The following ULK1 variants were observed in gnomAD, a reference collection of about 807,000 sequenced individuals.
ULK1 encodes the protein unc-51 like autophagy activating kinase 1.
A neutral mutation model predicts 117.5 loss-of-function variants in ULK1; 48 were observed. That is an observed-to-expected ratio of 0.41 (90% confidence interval 0.32 to 0.52). ULK1 has a LOEUF of 0.52. Ranked by LOEUF, ULK1 falls within the 20% of genes least tolerant of loss-of-function variation. ULK1 has a pLI of 0.29. For missense variants in ULK1, 1,387 were observed against 1,473.4 expected, an observed-to-expected ratio of 0.94 and a Z score of 0.96; for synonymous variants, 790 against 637.8, an observed-to-expected ratio of 1.24 and a Z score of -3.60.
chr12:131,894,999 G>C lies in ULK1; in HGVS notation c.-3G>C, dbSNP rs748019705. ...CGCCCCGCGCCCCCGGCCCGCCTGC[G>C]CCATGGAGCCCGGCCGCGGCGGCAC... is the stretch of plus-strand genomic sequence containing the variant. On this transcript the variant is annotated 5_prime_UTR_variant, in exon 1 of 28. Coordinates refer to ENST00000321867, the MANE Select transcript of ULK1 (RefSeq NM_003565.4). 1 of 1,410,186 alleles carries C rather than the reference G, an allele frequency of 7.1e-7. No homozygotes were observed. Among genetic ancestry groups the C allele is most frequent in the South Asian group, 1.3e-5 (1 of 74,932 alleles). 87.4% of individuals were successfully genotyped at this position (1,410,186 alleles called of 1,614,324 possible). A position where few individuals can be genotyped will look rare whatever the true frequency, so the allele number is the denominator to read the frequency against.
intron 1 of ULK1, 102 bp downstream of exon 1, chr12:131,895,214 C>A: frequency 1.1e-6 from 1 of 890,652 alleles, no homozygotes; most frequent in Non-Finnish European, 1.6e-6. Context: ...CCACGCCTCC[C>A]GAGAGCCCCA....
rs947770846 is a variant in ULK1, at chr12:131,922,219, G to A, written c.*858G>A. ...TTGTAGGTGTTTAAGAATTGGTTTTGGGAGGGCGAGGACTGGGCCAGGTTA... is the reference window on the plus strand; with the variant it reads ...TTGTAGGTGTTTAAGAATTGGTTTTAGGAGGGCGAGGACTGGGCCAGGTTA... On this transcript the variant is annotated 3_prime_UTR_variant, in exon 28 of 28. Transcript: ENST00000321867. The A allele has an allele frequency of 9.4e-5, 34 of 361,330 alleles. No individual in the cohort carries two copies. Among genetic ancestry groups the A allele is most frequent in the Non-Finnish European group, 1.8e-4 (33 of 181,150 alleles). The allele number at this position is 361,330 out of a possible 1,614,324, so 22.4% of individuals were successfully genotyped here.
At position 131,916,176 on chromosome 12, in the gene ULK1, T is replaced by C; in HGVS notation, c.1878+17T>C. 2.5e-6 allele frequency: 4 copies of C among 1,607,678 alleles called. No homozygotes were observed. The highest frequency in any genetic ancestry group is 3.4e-6 in the Non-Finnish European group (4 of 1,177,808). ...CCCACCAAGGTAATGGGCACTGCCA[T>C]GTGTGCAGGGGCACAGAGCCCTGGG... is the stretch of plus-strand genomic sequence containing the variant. On this transcript the variant is annotated intron_variant, in intron 19 of 27. Coordinates refer to ENST00000321867, the MANE Select transcript of ULK1 (RefSeq NM_003565.4).
intron 20 of ULK1, 74 bp downstream of exon 20, chr12:131,916,665 C>A (rs977685181): frequency 7.1e-7 from 1 of 1,413,332 alleles, no homozygotes; most frequent in African/African-American, 1.4e-5. Context: ...CTGCTGGGTA[C>A]TTCTGGGGGG....
chr12:131,910,174 G>A, intron 10 of ULK1, 80 bp from the exon 11 acceptor site: 1 of 1,596,262 alleles, frequency 6.3e-7, no homozygotes. Flanking sequence ...AACGCGGCTG[G>A]AGCTCAGGCC....
intron 3 of ULK1, among the ~76,000 whole-genome samples, chr12:131,900,853 C>T (rs1889057206): frequency 6.6e-6 from 1 of 152,092 alleles, no homozygotes; most frequent in South Asian, 2.1e-4. Context: ...ACTCCCCATC[C>T]CAGAGTGAGG....
chr12:131,902,858 G>A lies in ULK1; in HGVS notation c.247-4034G>A, dbSNP rs938387182. ...CCCTGGAGCCCAGGGAGGCAGTTGT[G>A]GCCCTTTCTGGTGTCTTAACTGGGT... On this transcript the variant is annotated intron_variant, in intron 3 of 27. Transcript: ENST00000321867. The surrounding 1 kb of genome is among the most constrained non-coding windows in gnomAD (Gnocchi z 6.3). 4.6e-5 allele frequency among the ~76,000 whole-genome samples: 7 copies of A among 152,114 alleles called. No homozygotes were observed. The highest frequency in any genetic ancestry group is 1.0e-4 in the Non-Finnish European group (7 of 68,004).
At chr12:131,895,958 G>A in intron 3 of ULK1, 134 bp downstream of exon 3, 4 of 1,158,728 alleles carry the variant, frequency 3.5e-6, no homozygotes, top group Non-Finnish European at 5.1e-6. Context: ...ACTCCACCCT[G>A]GGTCCAGGCC....
At chr12:131,897,947 G>T (rs985595941) in intron 3 of ULK1, 1 of 152,188 alleles carries the variant, frequency 6.6e-6, no homozygotes, top group African/African-American at 2.4e-5. Flanking sequence ...TCTGTTAGAG[G>T]TCACCATCTG....
intron 3 of ULK1, among the ~76,000 whole-genome samples, chr12:131,898,597 G>A (rs891027231): frequency 6.6e-6 from 1 of 152,048 alleles, no homozygotes; most frequent in African/African-American, 2.4e-5. Context: ...CGCCTCCTGG[G>A]TCCAAGCGAT....
chr12:131,916,677 A>G (rs943048301), intron 20 of ULK1, 86 bp downstream of exon 20: 61 of 1,398,618 alleles, frequency 4.4e-5, no homozygotes, highest in African/African-American at 3.9e-4. Context: ...TCTGGGGGGT[A>G]GAACAGGAAA....
Position 131,917,468 on chromosome 12 carries a change from G to A in ULK1, c.2240G>A (p.Ser747Asn). 1 of 1,527,666 alleles carries A rather than the reference G, an allele frequency of 6.5e-7. No homozygotes were observed. The highest frequency in any genetic ancestry group is 1.4e-5 in the African/African-American group (1 of 70,630). The allele number at this position is 1,527,666 out of a possible 1,614,324, so 94.6% of individuals were successfully genotyped here. A position where few individuals can be genotyped will look rare whatever the true frequency, so the allele number is the denominator to read the frequency against. ...CCAGGAGCCCGTGCTGGGGGCACCA[G>A]CAGCCCTTCCCCGGTGGTCTTCACC... is the stretch of plus-strand genomic sequence containing the variant. The part of the protein sequence containing the change: ...LHPGARAGGT[S>N]SPSPVVFTVG... The change falls in exon 22 of 28, where the codon AGC becomes AAC. Residue 747 changes from serine (S) to asparagine (N), a missense_variant. By Grantham distance (46) the Ser-to-Asn change is conservative. Transcript: ENST00000321867.
At chr12:131,916,662 G>A in intron 20 of ULK1, 71 bp downstream of exon 20, 2 of 1,426,048 alleles carry the variant, frequency 1.4e-6, no homozygotes, top group Non-Finnish European at 1.8e-6. Flanking sequence ...GTTCTGCTGG[G>A]TACTTCTGGG....
intron 7 of ULK1, 21 bp downstream of exon 7, chr12:131,908,992 C>T: frequency 6.2e-7 from 1 of 1,612,832 alleles, no homozygotes; most frequent in Non-Finnish European, 8.5e-7. Flanking sequence ...CTTGGCCGGG[C>T]TGTGCCGGGT....
In ULK1 at chr12:131,910,906, T is replaced by C; in HGVS notation, c.948+106T>C. On this transcript the variant is annotated intron_variant, in intron 12 of 27. Transcript: ENST00000321867. ...CGTGCTGTGACTTCTGTTGTCTGTG[T>C]GAGTCACGAAAGACATGGATGAGTT... 9 of 1,520,998 alleles carry C rather than the reference T, an allele frequency of 5.9e-6. No individual in the cohort carries two copies. In the South Asian group the frequency reaches 1.1e-4, roughly 19 times the overall value. The allele number at this position is 1,520,998 out of a possible 1,614,324, so 94.2% of individuals were successfully genotyped here.
At chr12:131,895,917 G>C (rs1888847468) in intron 3 of ULK1, 93 bp downstream of exon 3, 8 of 1,539,880 alleles carry the variant, frequency 5.2e-6, no homozygotes, top group Non-Finnish European at 6.3e-6. Context: ...TGTTGAGCCT[G>C]TCCAGGCTGG....
rs547011219 is a variant in ULK1 at position 131,914,589 on chromosome 12, CT to C, written c.1373+113del. The C allele has an allele frequency of 4.6e-5, 63 of 1,368,856 alleles. No individual in the cohort carries two copies. The African/African-American group carries it at 8.0e-4, about 17-fold the overall frequency. The allele number at this position is 1,368,856 out of a possible 1,614,324, so 84.8% of individuals were successfully genotyped here. ...CGTCATCCATGTGCAGTTGTGCAGG[CT>C]GCGCACTGCGTAACTCAGCACCACC... On this transcript the variant is annotated intron_variant, in intron 16 of 27. Coordinates refer to ENST00000321867, the MANE Select transcript of ULK1 (RefSeq NM_003565.4).
Position 131,922,325 on chromosome 12 carries a change from C to A in ULK1, c.*964C>A, listed in dbSNP as rs1452170090. On this transcript the variant is annotated 3_prime_UTR_variant, in exon 28 of 28. Transcript: ENST00000321867. ...TGTTGGTGGCTGTCCCCTGCCGCCC[C>A]TCCCTGTGGCAGCAGCAGGACAGGT... 1 of 324,358 alleles carries A rather than the reference C, an allele frequency of 3.1e-6. No individual in the cohort carries two copies. Among genetic ancestry groups the A allele is most frequent in the Admixed American group, 4.3e-5 (1 of 23,120 alleles). The allele number at this position is 324,358 out of a possible 1,614,324, so 20.1% of individuals were successfully genotyped here. A position where few individuals can be genotyped will look rare whatever the true frequency, so the allele number is the denominator to read the frequency against.
At position 131,907,289 on chromosome 12, in the gene ULK1, C is replaced by T. The variant is rs537824735; in HGVS notation, c.280-206C>T. Among the ~76,000 whole-genome samples, 13 of 152,264 alleles carry T rather than the reference C, an allele frequency of 8.5e-5. No individual in the cohort carries two copies. In the East Asian group the frequency reaches 2.3e-3, roughly 27 times the overall value. The stretch of plus-strand genomic sequence containing the variant: ...GCCCACCTTGGCCTCCCAAAGTGCT[C>T]GGATTACAGGCGTGAGCTGCCACGC... On this transcript the variant is annotated intron_variant, in intron 4 of 27. Transcript: ENST00000321867.
Sources: gnomAD v4.1 joint callset for allele counts (sites outside exome capture counted in the v4.1 genomes callset) on GRCh38, gnomAD v4.1.1 for gene constraint, Gnocchi (gnomAD v3.1) non-coding constraint, MANE v1.5 for transcripts, NCBI Gene and HGNC (gene_info 2026-07-23, HGNC 2026-07-21) for gene names.